Variants in PITPNM2 observed in about 807,000 individuals in gnomAD.
PITPNM2 encodes phosphatidylinositol transfer protein membrane associated 2, also known as membrane-associated phosphatidylinositol transfer protein 2.
In PITPNM2, 35 loss-of-function variants were observed where a neutral mutation model predicts 132.2. The observed-to-expected ratio is 0.26, with a 90% CI of 0.20 to 0.35. The LOEUF is 0.35. Ranked by LOEUF, PITPNM2 falls within the 10% of genes least tolerant of loss-of-function variation. PITPNM2 has a pLI of 1.00. For synonymous variants in PITPNM2, 738 were observed against 799.2 expected (o/e 0.92, Z 1.29); for missense variants, 1,332 against 1,912.0 (o/e 0.70, Z 5.66).
chr12:123,021,923 A>G (rs899282353), intron 3 of PITPNM2: 3 of 155,470 alleles, frequency 1.9e-5, no homozygotes, highest in Non-Finnish European at 4.2e-5. Context: ...TAGCTGACGT[A>G]CACAGGATGA....
At chr12:123,098,601 C>T (rs1467071220) in intron 2 of PITPNM2, among the ~76,000 whole-genome samples, 1 of 152,144 alleles carries the variant, frequency 6.6e-6, no homozygotes, top group Non-Finnish European at 1.5e-5. Context: ...GTCCCAGCTA[C>T]TCCAGAGGCA....
intron 2 of PITPNM2, among the ~76,000 whole-genome samples, chr12:123,055,924 T>A (rs79005954): frequency 6.6e-6 from 1 of 151,936 alleles, no homozygotes; most frequent in African/African-American, 2.4e-5. Flanking sequence ...ACTTGCAAGA[T>A]GTTAGTGAAA....
At chr12:123,079,345 C>CTTTTCTTTT (rs2041884452) in intron 2 of PITPNM2, among the ~76,000 whole-genome samples, 2 of 90,234 alleles carry the variant, frequency 2.2e-5, no homozygotes, top group African/African-American at 8.1e-5. Context: ...TTTCTTTTTT[C>CTTTTCTTTT]TTTTCTTTTT....
chr12:123,057,398 AAT>A (rs200481345), intron 2 of PITPNM2, among the ~76,000 whole-genome samples: 36 of 150,968 alleles, frequency 2.4e-4, no homozygotes, highest in African/African-American at 8.8e-4. Flanking sequence ...AAAAAAAAAA[AAT>A]TTAAATTCAA....
chr12:123,141,558 G>A (rs1427391651), intron 1 of PITPNM2, among the ~76,000 whole-genome samples: 2 of 152,134 alleles, frequency 1.3e-5, no homozygotes, highest in African/African-American at 2.4e-5. Context: ...AAGAAGAGCA[G>A]CCGTCTCCTG....
chr12:123,024,235 C>G (rs888542084), intron 3 of PITPNM2, among the ~76,000 whole-genome samples: 1 of 152,220 alleles, frequency 6.6e-6, no homozygotes, highest in African/African-American at 2.4e-5. Flanking sequence ...TGAGATACCA[C>G]TTCACACTCA....
chr12:123,003,760 G>A (rs1034778965), intron 8 of PITPNM2, among the ~76,000 whole-genome samples: 5 of 152,208 alleles, frequency 3.3e-5, no homozygotes, highest in Admixed American at 3.3e-4. Context: ...TCAGCCACTG[G>A]CTTGCAGAGG....
Position 122,995,574 on chromosome 12 carries a change from G to T in PITPNM2, c.1869C>A (p.Ser623Arg). The T allele has an allele frequency of 6.2e-7, 1 of 1,606,518 alleles. No homozygotes were observed. The change falls in exon 14 of 26, where the codon AGC becomes AGA. Residue 623 changes from serine to arginine, a missense_variant. Coordinates refer to ENST00000320201, the MANE Select transcript of PITPNM2 (RefSeq NM_020845.3). ...CACCACTACTGCCACCACCACCACT[G>T]CTGCCACCACCGCCACCGCCGCCAC... ...GGGGGGGGGG[S>R]SGGGGSSGGS... is the part of the protein sequence containing the mutation.
intron 3 of PITPNM2, among the ~76,000 whole-genome samples, chr12:123,030,743 G>A (rs947411750): frequency 7.9e-5 from 12 of 151,950 alleles, no homozygotes; most frequent in African/African-American, 2.9e-4. Flanking sequence ...CAACCCAAAT[G>A]TCCATCAATG....
intron 1 of PITPNM2, among the ~76,000 whole-genome samples, chr12:123,134,556 G>T (rs1388915744): frequency 6.6e-6 from 1 of 152,178 alleles, no homozygotes; most frequent in Non-Finnish European, 1.5e-5. Flanking sequence ...AAACCAGGCT[G>T]CAGGGAGGCT....
rs989717709 is a variant in PITPNM2 at position 122,985,325 on chromosome 12, C to T, written c.*702G>A. The T allele has an allele frequency of 2.0e-5, 3 of 152,488 alleles. No homozygotes were observed. The highest frequency in any genetic ancestry group is 7.2e-5 in the African/African-American group (3 of 41,450). The allele number at this position is 152,488 out of a possible 1,614,324, so 9.4% of individuals were successfully genotyped here. ...CGGCCAGGCCCGTCCAGCCCGTGGC[C>T]TGAGGCTGGAAACAACACTGGCCTG... On this transcript the variant is annotated 3_prime_UTR_variant, in exon 26 of 26. Transcript: ENST00000320201.
At chr12:123,109,173 G>C (rs956767908) in intron 2 of PITPNM2, among the ~76,000 whole-genome samples, 7 of 152,182 alleles carry the variant, frequency 4.6e-5, no homozygotes, top group Non-Finnish European at 7.3e-5. Context: ...TCCCTTGATG[G>C]AACATCCATC....
intron 2 of PITPNM2, among the ~76,000 whole-genome samples, chr12:123,065,596 G>T (rs1370584901): frequency 1.3e-5 from 2 of 152,254 alleles, no homozygotes; most frequent in Non-Finnish European, 2.9e-5. Flanking sequence ...AAAAGGGAAA[G>T]GATTTTGGCA....
rs2042389771 is a variant in PITPNM2, at chr12:123,095,662, C to A, written c.-96+14723G>T. Among the ~76,000 whole-genome samples the A allele has an allele frequency of 6.6e-6, 1 of 152,278 alleles. No individual in the cohort carries two copies. Among genetic ancestry groups the A allele is most frequent in the African/African-American group, 2.4e-5 (1 of 41,558 alleles). ...AAGCTCCTTAACTAGGGCACGAGGC[C>A]CCCAACCTGGTCCTCCCTGCAGCTC... On this transcript the variant is annotated intron_variant, in intron 2 of 25. Transcript: ENST00000320201. This position sits in a 1 kb window ranked among gnomAD's most constrained non-coding sequence, Gnocchi z 5.0.
At chr12:123,025,431 A>ATT (rs539043052) in intron 3 of PITPNM2, among the ~76,000 whole-genome samples, 30 of 136,102 alleles carry the variant, frequency 2.2e-4, no homozygotes, top group African/African-American at 6.3e-4. Context: ...TGTGGACCAG[A>ATT]TTTTTTTTTT....
At chr12:123,007,277 C>CGT in intron 6 of PITPNM2, 1 of 451,326 alleles carries the variant, frequency 2.2e-6, no homozygotes, top group Middle Eastern at 3.3e-4. Context: ...GTGTGGCATC[C>CGT]GTGTGTGTGT....
intron 4 of PITPNM2, 91 bp downstream of exon 4, chr12:123,013,737 T>C: frequency 7.2e-7 from 1 of 1,398,192 alleles, no homozygotes; most frequent in Non-Finnish European, 9.8e-7. Context: ...GCTTGAAGGC[T>C]GATCCCATCC....
In PITPNM2 at chr12:122,988,221, G is replaced by A. The variant is rs757950017; in HGVS notation, c.2997+13C>T. On this transcript the variant is annotated intron_variant, in intron 20 of 25. Transcript: ENST00000320201. ...TGACATCGTGGGGGCCTGGGCGCCC[G>A]GGGGACCCTCACCCGCAGCTTCACG... 8.7e-6 allele frequency: 14 copies of A among 1,608,680 alleles called. No individual in the cohort carries two copies. Among genetic ancestry groups the A allele is most frequent in the East Asian group, 6.7e-5 (3 of 44,864 alleles).
intron 1 of PITPNM2, among the ~76,000 whole-genome samples, chr12:123,120,908 C>T (rs958677194): frequency 6.6e-6 from 1 of 152,244 alleles, no homozygotes; most frequent in Non-Finnish European, 1.5e-5. Context: ...ACCCAGATCA[C>T]TGGGTGCTTC....
Sources: gnomAD v4.1 joint callset for allele counts (sites outside exome capture counted in the v4.1 genomes callset) on GRCh38, gnomAD v4.1.1 for gene constraint, Gnocchi (gnomAD v3.1) non-coding constraint, MANE v1.5 for transcripts, NCBI Gene and HGNC (gene_info 2026-07-23, HGNC 2026-07-21) for gene names.